Variants in MGMT observed in about 807,000 individuals in gnomAD.
The protein encoded by MGMT is O-6-methylguanine-DNA methyltransferase, also known as methylated-DNA--protein-cysteine methyltransferase.
MGMT carries 14 observed loss-of-function variants against 15.9 expected under a neutral mutation model. That is an observed-to-expected ratio of 0.88 (90% CI 0.58 to 1.37). The LOEUF is 1.37. MGMT is among the 40% of genes most tolerant of loss of function. MGMT has a pLI of 0.00. For synonymous variants in MGMT, 130 were observed against 118.2 expected (o/e 1.10, Z -0.65); for missense variants, 282 against 268.1 (o/e 1.05, Z -0.36).
intron 2 of MGMT, among the ~76,000 whole-genome samples, chr10:129,634,674 G>A (rs1032436830): frequency 1.3e-5 from 2 of 151,926 alleles, no homozygotes; most frequent in Non-Finnish European, 2.9e-5. Context: ...AATTCTGAAA[G>A]TTCTCTTTGG....
chr10:129,512,156 C>T (rs12248682), intron 1 of MGMT, among the ~76,000 whole-genome samples: 23,538 of 152,096 alleles, frequency 0.15, 2,552 homozygotes, highest in African/African-American at 0.3. Context: ...GGGGTAGAGG[C>T]GGCGAGGTGT....
chr10:129,723,373 A>G (rs1233885189), intron 3 of MGMT, among the ~76,000 whole-genome samples: 1 of 152,150 alleles, frequency 6.6e-6, no homozygotes, highest in East Asian at 1.9e-4. Flanking sequence ...TCAGATAAAT[A>G]TTATTCACCA....
intron 3 of MGMT, among the ~76,000 whole-genome samples, chr10:129,744,640 T>C (rs1848673111): frequency 1.3e-5 from 2 of 152,220 alleles, no homozygotes; most frequent in Non-Finnish European, 2.9e-5. Flanking sequence ...CCCTATGGCT[T>C]TCCTGCGTGC....
intron 3 of MGMT, among the ~76,000 whole-genome samples, chr10:129,746,728 A>G (rs1038232462): frequency 1.3e-5 from 2 of 152,188 alleles, no homozygotes; most frequent in East Asian, 1.9e-4. Flanking sequence ...TTGCAAATAC[A>G]TAATTATTAT....
intron 2 of MGMT, among the ~76,000 whole-genome samples, chr10:129,628,649 G>A (rs867633659): frequency 5.9e-5 from 9 of 152,188 alleles, no homozygotes; most frequent in African/African-American, 1.9e-4. Flanking sequence ...TCCACAGTTC[G>A]TGTCGATGAA....
chr10:129,646,754 A>ATATATATATATATATATATTTTTTTTT, intron 2 of MGMT, among the ~76,000 whole-genome samples: 23 of 86,650 alleles, frequency 2.7e-4, no homozygotes, highest in South Asian at 1.0e-3. Flanking sequence ...ATATATATAT[A>ATATATATATATATATATATTTTTTTTT]TTTTCAGGGA....
intron 2 of MGMT, among the ~76,000 whole-genome samples, chr10:129,641,698 T>A (rs1165409499): frequency 6.6e-6 from 1 of 152,180 alleles, no homozygotes; most frequent in Non-Finnish European, 1.5e-5. Flanking sequence ...TATTTTTGAT[T>A]TTTTGATACT....
intron 2 of MGMT, among the ~76,000 whole-genome samples, chr10:129,614,911 C>G (rs1847005577): frequency 6.6e-6 from 1 of 152,188 alleles, no homozygotes; most frequent in Non-Finnish European, 1.5e-5. Flanking sequence ...TCAGCTTTTG[C>G]AAAGCATTTT....
intron 1 of MGMT, among the ~76,000 whole-genome samples, chr10:129,499,971 G>A (rs1255655837): frequency 2.6e-5 from 4 of 152,154 alleles, no homozygotes; most frequent in Non-Finnish European, 4.4e-5. Flanking sequence ...GAATATAACC[G>A]ACTGAAAAAT....
chr10:129,659,570 G>A lies in MGMT; in HGVS notation c.126-48325G>A, dbSNP rs996850063. On this transcript the variant is annotated intron_variant, in intron 2 of 4. Transcript: ENST00000651593. The surrounding 1 kb of genome is among the most constrained non-coding windows in gnomAD (Gnocchi z 4.1). ...CATGCATATTAGTTCCGAGGCTACT[G>A]GCATTATTATTTAATGATGAGTTAG... Among the ~76,000 whole-genome samples the A allele has an allele frequency of 6.6e-6, 1 of 152,104 alleles. No individual in the cohort carries two copies. Among genetic ancestry groups the A allele is most frequent in the Non-Finnish European group, 1.5e-5 (1 of 68,028 alleles).
At chr10:129,527,347 G>C (rs1290366985) in intron 1 of MGMT, among the ~76,000 whole-genome samples, 1 of 152,172 alleles carries the variant, frequency 6.6e-6, no homozygotes, top group African/African-American at 2.4e-5. Context: ...TAAACATTTG[G>C]GTCTTCCACG....
chr10:129,656,580 C>T (rs867092017), intron 2 of MGMT, among the ~76,000 whole-genome samples: 3 of 152,186 alleles, frequency 2.0e-5, no homozygotes, highest in African/African-American at 4.8e-5. Flanking sequence ...GTGGTCGGGG[C>T]ACCGCTTGGT....
chr10:129,719,575 G>A (rs372548213), intron 3 of MGMT, among the ~76,000 whole-genome samples: 15 of 152,126 alleles, frequency 9.9e-5, no homozygotes, highest in South Asian at 6.2e-4. Context: ...TCCTTGCTGC[G>A]TCCTCACTAG....
rs1846212003 is a variant in MGMT, at chr10:129,556,265, T to C, written c.125+19888T>C. On this transcript the variant is annotated intron_variant, in intron 2 of 4. Coordinates refer to ENST00000651593, the MANE Select transcript of MGMT (RefSeq NM_002412.5). This position sits in a 1 kb window ranked among gnomAD's most constrained non-coding sequence, Gnocchi z 4.3. The stretch of plus-strand genomic sequence containing the variant: ...AGTCCTCATCCTCAGAACCTCTGGA[T>C]GTGACAGTATTTTTGAGATAGGGTC... 6.6e-6 allele frequency among the ~76,000 whole-genome samples: 1 copy of C among 152,180 alleles called. No individual in the cohort carries two copies. Among genetic ancestry groups the C allele is most frequent in the Non-Finnish European group, 1.5e-5 (1 of 68,022 alleles).
intron 3 of MGMT, among the ~76,000 whole-genome samples, chr10:129,734,774 T>C (rs1848541431): frequency 2.0e-5 from 3 of 152,002 alleles, no homozygotes; most frequent in South Asian, 2.1e-4. Flanking sequence ...GCATGAAGGG[T>C]TGTTGAATTT....
intron 2 of MGMT, among the ~76,000 whole-genome samples, chr10:129,673,851 C>G (rs1011676223): frequency 6.6e-6 from 1 of 152,062 alleles, no homozygotes. Context: ...GATGCTCGTG[C>G]GAAAAAAGTC....
At chr10:129,473,965 G>A (rs1030445995) in intron 1 of MGMT, among the ~76,000 whole-genome samples, 3 of 152,168 alleles carry the variant, frequency 2.0e-5, no homozygotes, top group African/African-American at 7.2e-5. Flanking sequence ...GTCCCTGCAG[G>A]CCAGGGACCC....
chr10:129,707,952 G>A lies in MGMT; in HGVS notation c.183G>A (p.Gln61=). The A allele has an allele frequency of 6.2e-7, 1 of 1,613,316 alleles. No individual in the cohort carries two copies. The change falls in exon 3 of 5, where the codon CAG becomes CAA. Residue 61 remains glutamine, a synonymous_variant. Coordinates refer to ENST00000651593, the MANE Select transcript of MGMT (RefSeq NM_002412.5). Reference sequence around the variant, plus strand: ...TCGGAGGTCCGGAGCCCCTGATGCAGTGCACAGCCTGGCTGAATGCCTATT... The same window carrying A: ...TCGGAGGTCCGGAGCCCCTGATGCAATGCACAGCCTGGCTGAATGCCTATT... ...AVLGGPEPLM[Q]CTAWLNAYFH...
At chr10:129,729,035 G>C (rs527380376) in intron 3 of MGMT, among the ~76,000 whole-genome samples, 1 of 152,022 alleles carries the variant, frequency 6.6e-6, no homozygotes, top group African/African-American at 2.4e-5. Context: ...AGAAATCCCC[G>C]CATTGAAGGG....
Sources: allele counts gnomAD v4.1 joint callset (sites outside exome capture counted in the v4.1 genomes callset), GRCh38; gene constraint gnomAD v4.1.1; non-coding constraint Gnocchi (gnomAD v3.1); transcripts MANE v1.5; gene names NCBI Gene and HGNC (gene_info 2026-07-23, HGNC 2026-07-21).